Variants in FAM185A observed in about 807,000 individuals in gnomAD.
FAM185A encodes the protein protein FAM185A.
Under a neutral mutation model 45.7 loss-of-function variants are expected in FAM185A, and 21 were observed. The ratio of observed to expected loss-of-function variants is 0.46; its 90% CI spans 0.33 to 0.66. The LOEUF (loss-of-function observed/expected upper bound fraction) is 0.66, where lower values mean the gene tolerates loss of function less well. Ranked by LOEUF, FAM185A falls within the 30% of genes least tolerant of loss-of-function variation. The pLI, the probability that FAM185A is intolerant of heterozygous loss-of-function variation, is 0.03. For synonymous variants in FAM185A, 117 were observed against 194.0 expected (o/e 0.60, Z 3.30); for missense variants, 305 against 485.4 (o/e 0.63, Z 3.49).
intron 7 of FAM185A, among the ~76,000 whole-genome samples, chr7:102,790,909 T>C (rs949962916): frequency 1.3e-5 from 2 of 151,750 alleles, no homozygotes; most frequent in African/African-American, 4.8e-5. Context: ...AAACTAGGAG[T>C]GCAAGGGTAA....
intron 7 of FAM185A, among the ~76,000 whole-genome samples, chr7:102,794,168 C>T (rs1428988369): frequency 6.6e-6 from 1 of 152,102 alleles, no homozygotes; most frequent in African/African-American, 2.4e-5. Context: ...AGAGCAGGCC[C>T]CAATCTCAGA....
the FAM185A span, among the ~76,000 whole-genome samples, chr7:102,841,016 T>C: frequency 4.7e-4 from 72 of 152,168 alleles, no homozygotes; most frequent in African/African-American, 1.7e-3. Flanking sequence ...CTGGAATTGA[T>C]AGGGAGGGTT....
the FAM185A span, chr7:102,822,372 G>C: frequency 1.4e-6 from 1 of 730,634 alleles, no homozygotes; most frequent in South Asian, 1.5e-5. Context: ...CTGAGATAAA[G>C]ATAGAGGTAC....
At chr7:102,764,136 C>G (rs1268427674) in intron 4 of FAM185A, among the ~76,000 whole-genome samples, 4 of 151,740 alleles carry the variant, frequency 2.6e-5, no homozygotes, top group Admixed American at 1.3e-4. Context: ...GTTACTTTCA[C>G]AGAAGTAACT....
intron 7 of FAM185A, among the ~76,000 whole-genome samples, chr7:102,802,736 A>C (rs1044875750): frequency 1.3e-5 from 2 of 151,846 alleles, no homozygotes; most frequent in Non-Finnish European, 2.9e-5. Flanking sequence ...AAACAAACAA[A>C]AAAATACAGA....
At chr7:102,823,073 C>T in the FAM185A span, among the ~76,000 whole-genome samples, 16 of 151,940 alleles carry the variant, frequency 1.1e-4, no homozygotes, top group African/African-American at 3.1e-4. Context: ...TGTGCCCTGC[C>T]CACCCCCCAC....
At chr7:102,776,099 T>TATATACAC (rs1554372419) in intron 5 of FAM185A, among the ~76,000 whole-genome samples, 1 of 106,668 alleles carries the variant, frequency 9.4e-6, no homozygotes, top group Admixed American at 8.6e-5. Flanking sequence ...TTGGCTCCTA[T>TATATACAC]ACACACACAC....
the FAM185A span, among the ~76,000 whole-genome samples, chr7:102,821,659 C>A: frequency 6.6e-6 from 1 of 152,170 alleles, no homozygotes; most frequent in Non-Finnish European, 1.5e-5. Context: ...AAAATACTTG[C>A]ACATTTTTGC....
At chr7:102,802,366 C>CTCCTTT (rs1796848713) in intron 7 of FAM185A, among the ~76,000 whole-genome samples, 1 of 152,142 alleles carries the variant, frequency 6.6e-6, no homozygotes, top group Non-Finnish European at 1.5e-5. Flanking sequence ...TGGAATAAAA[C>CTCCTTT]TGGAAATCAA....
the FAM185A span, among the ~76,000 whole-genome samples, chr7:102,834,095 AAAGAAAG>A: frequency 3.1e-3 from 300 of 95,516 alleles, 3 homozygotes; most frequent in Admixed American, 4.3e-3. Context: ...GAAAAGAAAG[AAAGAAAG>A]AAAGAAAGAA....
chr7:102,833,436 C>CTTT, the FAM185A span, among the ~76,000 whole-genome samples: 46 of 134,596 alleles, frequency 3.4e-4, no homozygotes, highest in Middle Eastern at 3.8e-3. Flanking sequence ...AGCCTGTTTC[C>CTTT]TTTTTTTTTT....
At chr7:102,750,041 C>G (rs1428677985) in intron 1 of FAM185A, among the ~76,000 whole-genome samples, 1 of 152,138 alleles carries the variant, frequency 6.6e-6, no homozygotes, top group Non-Finnish European at 1.5e-5. Flanking sequence ...TGCTCACAGC[C>G]TGGGGGTCTG....
At chr7:102,819,439 C>T in the FAM185A span, among the ~76,000 whole-genome samples, 7 of 152,156 alleles carry the variant, frequency 4.6e-5, no homozygotes, top group Admixed American at 2.6e-4. Flanking sequence ...CCAATTTGCT[C>T]ATTGACCAAA....
At chr7:102,804,153 C>A (rs557617298) in intron 7 of FAM185A, among the ~76,000 whole-genome samples, 1 of 152,092 alleles carries the variant, frequency 6.6e-6, no homozygotes, top group Admixed American at 6.6e-5. Flanking sequence ...AAAAAACCAC[C>A]ATCATTCTTC....
At chr7:102,800,809 T>C (rs565576843) in intron 7 of FAM185A, among the ~76,000 whole-genome samples, 1 of 152,220 alleles carries the variant, frequency 6.6e-6, no homozygotes, top group Non-Finnish European at 1.5e-5. Context: ...GGAAAACATA[T>C]TTGGGGGAAT....
At chr7:102,842,495 T>C in the FAM185A span, among the ~76,000 whole-genome samples, 1 of 152,252 alleles carries the variant, frequency 6.6e-6, no homozygotes, top group Non-Finnish European at 1.5e-5. Flanking sequence ...CTGATGAGAA[T>C]GATTGATGAG....
chr7:102,790,271 G>A lies in FAM185A; in HGVS notation c.1066+2802G>A, dbSNP rs368580030. ...GCATCACCACAAATGCAGGTAGTGC[G>A]TTGCATTTAAACAACCATTAGGATG... On this transcript the variant is annotated intron_variant, in intron 7 of 7. Coordinates refer to ENST00000413034, the MANE Select transcript of FAM185A (RefSeq NM_001145268.2). 5.9e-5 allele frequency among the ~76,000 whole-genome samples: 9 copies of A among 152,002 alleles called. No individual in the cohort carries two copies. In the East Asian group the frequency reaches 7.7e-4, roughly 13 times the overall value.
chr7:102,794,528 A>G (rs1796331129), intron 7 of FAM185A, among the ~76,000 whole-genome samples: 1 of 152,204 alleles, frequency 6.6e-6, no homozygotes, highest in Admixed American at 6.5e-5. Flanking sequence ...GTGTGCAGAG[A>G]AACTGGATCT....
At chr7:102,844,515 G>C in the FAM185A span, among the ~76,000 whole-genome samples, 4 of 152,256 alleles carry the variant, frequency 2.6e-5, no homozygotes, top group Non-Finnish European at 5.9e-5. Flanking sequence ...AAAGACTGTC[G>C]TAAGAGTGGA....
Sources: allele counts gnomAD v4.1 joint callset (sites outside exome capture counted in the v4.1 genomes callset), GRCh38; gene constraint gnomAD v4.1.1; transcripts MANE v1.5; gene names NCBI Gene and HGNC (gene_info 2026-07-23, HGNC 2026-07-21).